The following CEP112 variants were observed in gnomAD, a reference collection of about 807,000 sequenced individuals.
The protein encoded by CEP112 is centrosomal protein 112.
Under a neutral mutation model 153.0 loss-of-function variants are expected in CEP112, and 127 were observed. That is an observed-to-expected ratio of 0.83 (90% CI 0.72 to 0.96). CEP112 has a LOEUF of 0.96. Ranked by LOEUF, CEP112 falls within the 40% of genes least tolerant of loss-of-function variation. The pLI is 0.00. For synonymous variants in CEP112, 358 were observed against 374.4 expected (o/e 0.96, Z 0.51); for missense variants, 1,089 against 1,101.2 (o/e 0.99, Z 0.16).
chr17:66,041,206 A>AC, intron 12 of CEP112, among the ~76,000 whole-genome samples: 1 of 152,076 alleles, frequency 6.6e-6, no homozygotes, highest in South Asian at 2.1e-4. Context: ...ATTATTATAT[A>AC]ATGAATATAC....
chr17:65,799,492 G>T (rs2055133822), intron 21 of CEP112, among the ~76,000 whole-genome samples: 1 of 152,196 alleles, frequency 6.6e-6, no homozygotes, highest in East Asian at 1.9e-4. Context: ...AGTGGGATGG[G>T]GAAGAGGTCT....
At chr17:65,887,555 G>A (rs187640941) in intron 20 of CEP112, among the ~76,000 whole-genome samples, 1 of 152,166 alleles carries the variant, frequency 6.6e-6, no homozygotes. Flanking sequence ...GCATACACCT[G>A]TTTGTGTCTG....
At chr17:65,981,093 G>C (rs2063209672) in intron 17 of CEP112, among the ~76,000 whole-genome samples, 1 of 152,140 alleles carries the variant, frequency 6.6e-6, no homozygotes, top group Non-Finnish European at 1.5e-5. Context: ...TGGGATTACA[G>C]GCGTGAGCCA....
chr17:66,189,638 T>G (rs987055141), intron 1 of CEP112, among the ~76,000 whole-genome samples: 1 of 152,240 alleles, frequency 6.6e-6, no homozygotes, highest in Non-Finnish European at 1.5e-5. Flanking sequence ...AAAATCTGCT[T>G]CTTCTTATCC....
intron 4 of CEP112, among the ~76,000 whole-genome samples, chr17:66,149,877 TTTGTTTG>T (rs1365506228): frequency 1.6e-5 from 1 of 64,404 alleles, no homozygotes; most frequent in African/African-American, 6.0e-5. Context: ...GGTTTTTTTT[TTTGTTTG>T]TTTGTTTTTT....
intron 22 of CEP112, among the ~76,000 whole-genome samples, chr17:65,750,258 C>A (rs978281742): frequency 2.0e-5 from 3 of 152,146 alleles, no homozygotes; most frequent in African/African-American, 4.8e-5. Context: ...TTTGAAGAAG[C>A]CTTTGGTAGA....
chr17:65,895,428 C>G (rs574679622), intron 20 of CEP112, among the ~76,000 whole-genome samples: 7 of 152,144 alleles, frequency 4.6e-5, no homozygotes, highest in Admixed American at 3.3e-4. Context: ...ACTACATACT[C>G]AAACTGGATA....
intron 8 of CEP112, among the ~76,000 whole-genome samples, chr17:66,086,315 C>T (rs2067926566): frequency 6.7e-6 from 1 of 149,888 alleles, no homozygotes; most frequent in South Asian, 2.1e-4. Flanking sequence ...CAGCATTTAT[C>T]CTCATGCCAA....
intron 4 of CEP112, among the ~76,000 whole-genome samples, chr17:66,144,125 T>C (rs1210954945): frequency 6.6e-6 from 1 of 152,206 alleles, no homozygotes; most frequent in Non-Finnish European, 1.5e-5. Flanking sequence ...TTGCATACAG[T>C]AAAACCATAT....
chr17:65,778,858 G>A (rs1009737003), intron 21 of CEP112, among the ~76,000 whole-genome samples: 1 of 152,030 alleles, frequency 6.6e-6, no homozygotes, highest in Non-Finnish European at 1.5e-5. Context: ...CATCTTTCAG[G>A]GTGCAGTGAC....
intron 21 of CEP112, among the ~76,000 whole-genome samples, chr17:65,752,045 TC>T (rs11287163): frequency 0.53 from 80,014 of 151,168 alleles, 21,745 homozygotes; most frequent in East Asian, 0.78. Flanking sequence ...CATCCATCCA[TC>T]CATCCATCCA....
At chr17:65,660,449 CTCTTCTCTCTCTCCTTCCTTCCT>C in intron 24 of CEP112, among the ~76,000 whole-genome samples, 1 of 88,950 alleles carries the variant, frequency 1.1e-5, no homozygotes, top group Admixed American at 1.5e-4. Flanking sequence ...TTCTCTCTCT[CTCTTCTCTCTCTCCTTCCTTCCT>C]TCCTTCCTTC....
In CEP112 at chr17:65,750,688, T is replaced by C. The variant is rs2051776234; in HGVS notation, c.2431A>G (p.Thr811Ala). 7 of 1,613,926 alleles carry C rather than the reference T, an allele frequency of 4.3e-6. No individual in the cohort carries two copies. Among genetic ancestry groups the C allele is most frequent in the Non-Finnish European group, 5.1e-6 (6 of 1,179,980 alleles). The change falls in exon 22 of 27, where the codon ACT becomes GCT. Residue 811 changes from threonine (T) to alanine (A), a missense_variant. Physicochemically the swap from Thr to Ala is moderately conservative, Grantham distance 58. Coordinates refer to ENST00000535342, the MANE Select transcript of CEP112 (RefSeq NM_001199165.4). ...TGTGAAGATTTGGCAAGCTTCTGAG[T>C]GTATTCCTTCTCAATCTGCTTCAGC... ...SKLKQIEKEY[T>A]QKLAKSSQII...
intron 20 of CEP112, among the ~76,000 whole-genome samples, chr17:65,865,751 G>A (rs1035392553): frequency 3.3e-5 from 5 of 152,254 alleles, no homozygotes; most frequent in Admixed American, 2.0e-4. Flanking sequence ...AAAATGCAGA[G>A]AGAAGGTGTG....
intron 21 of CEP112, among the ~76,000 whole-genome samples, chr17:65,765,592 T>A (rs2052916631): frequency 6.6e-6 from 1 of 151,578 alleles, no homozygotes; most frequent in Non-Finnish European, 1.5e-5. Context: ...ACCAAGAGAG[T>A]TTCCCTCAGC....
At chr17:65,669,075 C>T (rs1415253096) in intron 24 of CEP112, among the ~76,000 whole-genome samples, 2 of 152,072 alleles carry the variant, frequency 1.3e-5, no homozygotes, top group Non-Finnish European at 2.9e-5. Flanking sequence ...TTTTTTGGCC[C>T]CCATCAGTTC....
chr17:66,004,033 A>C (rs2064168710), intron 17 of CEP112, among the ~76,000 whole-genome samples: 1 of 152,196 alleles, frequency 6.6e-6, no homozygotes, highest in African/African-American at 2.4e-5. Context: ...AAGGATAAAG[A>C]AATTTAAAAA....
chr17:65,719,837 AG>A lies in CEP112; in HGVS notation c.2607+23230del, dbSNP rs2049763718. Among the ~76,000 whole-genome samples the A allele has an allele frequency of 2.0e-5, 3 of 152,232 alleles. No individual in the cohort carries two copies. In the South Asian group the frequency reaches 6.2e-4, roughly 32 times the overall value. On this transcript the variant is annotated intron_variant, in intron 23 of 26. Transcript: ENST00000535342. ...GGAGACAGAGAGGACTGGGGCAGGCAGGGCAGCCTTGCGAGCGCATCTGGGC... is the reference window on the plus strand; with the variant it reads ...GGAGACAGAGAGGACTGGGGCAGGCAGGCAGCCTTGCGAGCGCATCTGGGC...
At chr17:65,916,539 CTT>C (rs996339597) in intron 19 of CEP112, among the ~76,000 whole-genome samples, 6 of 145,890 alleles carry the variant, frequency 4.1e-5, no homozygotes, top group Admixed American at 6.8e-5. Context: ...AAAACAGCTT[CTT>C]TTTTTTTTTT....
Sources: allele counts gnomAD v4.1 joint callset (sites outside exome capture counted in the v4.1 genomes callset), GRCh38; gene constraint gnomAD v4.1.1; transcripts MANE v1.5; gene names NCBI Gene and HGNC (gene_info 2026-07-23, HGNC 2026-07-21).